Variants in LHX9 observed in about 807,000 individuals in gnomAD.
LHX9 encodes LIM homeobox 9.
LHX9 carries 9 observed loss-of-function variants against 36.5 expected under a neutral mutation model. The ratio of observed to expected loss-of-function variants is 0.25; its 90% CI spans 0.15 to 0.43. LHX9 has a LOEUF of 0.43. LHX9 is among the 20% of genes least tolerant of loss of function. The pLI is 1.00. For synonymous variants in LHX9, 211 were observed against 212.1 expected, an observed-to-expected ratio of 0.99 and a Z score of 0.04; for missense variants, 464 against 526.4, an observed-to-expected ratio of 0.88 and a Z score of 1.16.
chr1:197,919,978 C>G lies in LHX9; in HGVS notation c.181C>G (p.Pro61Ala), dbSNP rs752652822. The change falls in exon 2 of 5, where the codon CCC becomes GCC. Residue 61 changes from proline to alanine, a missense_variant. By Grantham distance (27) the Pro-to-Ala change is conservative. Around this residue, in one of 5 missense-constraint regions of LHX9, gnomAD observed 119 missense variants for 102.4 expected, o/e 1.16. Coordinates refer to ENST00000367387, the MANE Select transcript of LHX9 (RefSeq NM_020204.3). ...CGGTGTGCTTTCTTTGCAGGGCATG[C>G]CCCCGCTCAGCCCGGAGAAGCCCGC... is the stretch of plus-strand genomic sequence containing the variant. Reference protein sequence around the residue: ...AQLNGRDAGMPPLSPEKPALC... With the variant: ...AQLNGRDAGMAPLSPEKPALC... The G allele has an allele frequency of 6.2e-7, 1 of 1,613,978 alleles. No homozygotes were observed. Among genetic ancestry groups the G allele is most frequent in the Non-Finnish European group, 8.5e-7 (1 of 1,180,012 alleles).
In LHX9 at chr1:197,927,802, C is replaced by T; in HGVS notation, c.936+9C>T. On this transcript the variant is annotated intron_variant, in intron 4 of 4. Coordinates refer to ENST00000367387, the MANE Select transcript of LHX9 (RefSeq NM_020204.3). ...CCAAAAGAGTTTTGCAGGTAAGACA[C>T]ATGCATCATTGACTGTGCATACATT... 1 of 1,611,548 alleles carries T rather than the reference C, an allele frequency of 6.2e-7. No individual in the cohort carries two copies. The highest frequency in any genetic ancestry group is 8.5e-7 in the Non-Finnish European group (1 of 1,177,622).
In LHX9 at chr1:197,921,508, G is replaced by T; in HGVS notation, c.582G>T (p.Glu194Asp). The T allele has an allele frequency of 6.2e-7, 1 of 1,614,196 alleles. No homozygotes were observed. Among genetic ancestry groups the T allele is most frequent in the Non-Finnish European group, 8.5e-7 (1 of 1,180,030 alleles). The change falls in exon 3 of 5, where the codon GAG (glutamate) becomes GAT (aspartate). Residue 194 changes from glutamate to aspartate, a missense_variant. Coordinates refer to ENST00000367387, the MANE Select transcript of LHX9 (RefSeq NM_020204.3). This position sits in a 1 kb window ranked among gnomAD's most constrained non-coding sequence, Gnocchi z 4.6. ...RAHFETLLQG[E>D]YPPQLSYTEL... ...ACTTCGAGACCCTCTTGCAAGGAGA[G>T]TATCCACCGCAGCTGAGCTACACGG... is the stretch of plus-strand genomic sequence containing the variant.
rs563427620 is a variant in LHX9, at chr1:197,927,628, C to A, written c.771C>A (p.Asp257Glu). The change falls in exon 4 of 5, where the codon GAC (aspartate) becomes GAA (glutamate). Residue 257 changes from aspartate (D) to glutamate (E), a missense_variant. Asp to Glu is a conservative substitution (Grantham distance 45). Transcript: ENST00000367387. ...ATGAGGCAGACCACTTGGACCGGGA[C>A]CAGCAGCCTTATCCACCCTCGCAGA... is the stretch of plus-strand genomic sequence containing the variant. ...NENEADHLDRDQQPYPPSQKT... is the reference protein window; with the variant it reads ...NENEADHLDREQQPYPPSQKT... 18 of 1,614,048 alleles carry A rather than the reference C, an allele frequency of 1.1e-5. No individual in the cohort carries two copies. The highest frequency in any genetic ancestry group is 3.3e-5 in the Admixed American group (2 of 60,000).
chr1:197,933,524 T>C lies in LHX9; in HGVS notation c.*4265T>C, dbSNP rs1360507064. ...TTCCAATGCATTTCCAGCCAGTTTA[T>C]TCAAATCTTTGCCCTACAGTCTTGC... On this transcript the variant is annotated 3_prime_UTR_variant, in exon 5 of 5. Coordinates refer to ENST00000367387, the MANE Select transcript of LHX9 (RefSeq NM_020204.3). The C allele has an allele frequency of 1.3e-5, 2 of 152,140 alleles. No homozygotes were observed. The highest frequency in any genetic ancestry group is 2.4e-5 in the African/African-American group (1 of 41,424). 9.4% of individuals were successfully genotyped at this position (152,140 alleles called of 1,614,324 possible). A position where few individuals can be genotyped will look rare whatever the true frequency, so the allele number is the denominator to read the frequency against.
In LHX9 at chr1:197,929,935, T is replaced by A; in HGVS notation, c.*676T>A. On this transcript the variant is annotated 3_prime_UTR_variant, in exon 5 of 5. Transcript: ENST00000367387. The stretch of plus-strand genomic sequence containing the variant: ...GTGTACAACTCTAAAAACTTTTTAC[T>A]TGGTTATTTGTTTTTCAACATTTGA... The A allele has an allele frequency of 3.1e-6, 3 of 982,334 alleles. No individual in the cohort carries two copies. Among genetic ancestry groups the A allele is most frequent in the Non-Finnish European group, 3.6e-6 (3 of 827,028 alleles). 60.9% of individuals were successfully genotyped at this position (982,334 alleles called of 1,614,324 possible).
chr1:197,914,932 C>G (rs1557969142), upstream of LHX9, among the ~76,000 whole-genome samples: 1 of 152,170 alleles, frequency 6.6e-6, no homozygotes, highest in Non-Finnish European at 1.5e-5. Flanking sequence ...GATTAACAAA[C>G]TTGTGTGGAA....
chr1:197,919,620 C>G lies in LHX9; in HGVS notation c.175-352C>G, dbSNP rs114261349. ...CATTTCCGTTGTTTTATTTTGTGTG[C>G]GTCGAAAACCACAATTTTTAGCTTG... On this transcript the variant is annotated intron_variant, in intron 1 of 4. Transcript: ENST00000367387. Among the ~76,000 whole-genome samples, 696 of 152,282 alleles carry G rather than the reference C, an allele frequency of 4.6e-3. 7 individuals are homozygous for G. Among genetic ancestry groups the G allele is most frequent in the African/African-American group, 0.016 (673 of 41,552 alleles).
upstream of LHX9, among the ~76,000 whole-genome samples, chr1:197,914,514 A>C (rs151153328): frequency 6.2e-4 from 94 of 152,294 alleles, no homozygotes; most frequent in African/African-American, 1.9e-3. Context: ...AAGTCCTTTG[A>C]GAATGAGGAG....
At chr1:197,914,474 G>C (rs1305159537), upstream of LHX9, among the ~76,000 whole-genome samples, 1 of 151,904 alleles carries the variant, frequency 6.6e-6, no homozygotes, top group African/African-American at 2.4e-5. Flanking sequence ...GAGGTACAAA[G>C]ATGCTTTCCT....
Position 197,933,522 on chromosome 1 carries a change from T to TAA in LHX9, c.*4264_*4265insAA, listed in dbSNP as rs1176429738. ...TTTTCCAATGCATTTCCAGCCAGTTTATTCAAATCTTTGCCCTACAGTCTT... is the reference window on the plus strand; with the variant it reads ...TTTTCCAATGCATTTCCAGCCAGTTTAAATTCAAATCTTTGCCCTACAGTCTT... On this transcript the variant is annotated 3_prime_UTR_variant, in exon 5 of 5. Coordinates refer to ENST00000367387, the MANE Select transcript of LHX9 (RefSeq NM_020204.3). 2 of 152,112 alleles carry TAA rather than the reference T, an allele frequency of 1.3e-5. No individual in the cohort carries two copies. The highest frequency in any genetic ancestry group is 2.4e-5 in the African/African-American group (1 of 41,408). 9.4% of individuals were successfully genotyped at this position (152,112 alleles called of 1,614,324 possible).
chr1:197,918,680 C>T (rs373728252), intron 1 of LHX9: 2 of 362,256 alleles, frequency 5.5e-6, no homozygotes, highest in African/African-American at 4.1e-5. Flanking sequence ...TTATAACCAA[C>T]CCTTAAACAA....
upstream of LHX9, chr1:197,916,586 G>T (rs907655021): frequency 1.0e-5 from 7 of 687,666 alleles, no homozygotes; most frequent in Admixed American, 2.1e-5. Context: ...TGGCCAAGGC[G>T]CAATTGCGTA....
At chr1:197,924,173 G>A (rs77816243) in intron 3 of LHX9, among the ~76,000 whole-genome samples, 2,014 of 152,218 alleles carry the variant, frequency 0.013, 52 homozygotes, top group African/African-American at 0.046. Flanking sequence ...GCGTTAAAAT[G>A]TAAAAAAATA....
upstream of LHX9, chr1:197,917,113 TGTGCGC>T (rs1557970470): frequency 1.0e-5 from 2 of 200,630 alleles, no homozygotes; most frequent in Non-Finnish European, 1.7e-5. Flanking sequence ...TGTGTGTGTG[TGTGCGC>T]GCGCGCGCGC....
At chr1:197,914,945 G>A (rs956571674), upstream of LHX9, among the ~76,000 whole-genome samples, 3 of 152,158 alleles carry the variant, frequency 2.0e-5, no homozygotes, top group Admixed American at 6.5e-5. Context: ...GTGTGGAATA[G>A]AAGAATGAAT....
chr1:197,927,495 G>C, intron 3 of LHX9, 96 bp from the exon 4 acceptor site: 1 of 1,023,426 alleles, frequency 9.8e-7, no homozygotes, highest in South Asian at 1.3e-5. Context: ...TTTCACTGCT[G>C]CTTTATTACC....
Position 197,929,802 on chromosome 1 carries a change from A to G in LHX9, c.*543A>G. On this transcript the variant is annotated 3_prime_UTR_variant, in exon 5 of 5. Transcript: ENST00000367387. The stretch of plus-strand genomic sequence containing the variant: ...ATTTCTTACCTGAACTGTTAATTCA[A>G]GTGAGGAATATGATGAAATAAAAGC... 15 of 939,458 alleles carry G rather than the reference A, an allele frequency of 1.6e-5. No individual in the cohort carries two copies. Among genetic ancestry groups the G allele is most frequent in the Non-Finnish European group, 1.9e-5 (15 of 788,008 alleles). The allele number at this position is 939,458 out of a possible 1,614,324, so 58.2% of individuals were successfully genotyped here.
upstream of LHX9, chr1:197,912,818 C>A: frequency 3.7e-6 from 2 of 534,756 alleles, no homozygotes; most frequent in Non-Finnish European, 6.7e-6. Context: ...GTGTCCGGGG[C>A]GCCAGGCAGA....
At position 197,929,539 on chromosome 1, in the gene LHX9, T is replaced by C; in HGVS notation, c.*280T>C. The C allele has an allele frequency of 1.1e-6, 1 of 948,726 alleles. No homozygotes were observed. The highest frequency in any genetic ancestry group is 1.3e-6 in the Non-Finnish European group (1 of 793,322). 58.8% of individuals were successfully genotyped at this position (948,726 alleles called of 1,614,324 possible). ...GGTAAGGAGAGTTTTTGAATAATTC[T>C]AATAAGTGCCTCTTAAAATTGTATG... is the stretch of plus-strand genomic sequence containing the variant. On this transcript the variant is annotated 3_prime_UTR_variant, in exon 5 of 5. Transcript: ENST00000367387.
Sources: allele counts gnomAD v4.1 joint callset (sites outside exome capture counted in the v4.1 genomes callset), GRCh38; gene constraint gnomAD v4.1.1; regional missense constraint gnomAD v4.1.1; non-coding constraint Gnocchi (gnomAD v3.1); transcripts MANE v1.5; gene names NCBI Gene and HGNC (gene_info 2026-07-23, HGNC 2026-07-21).